Variants in NLRP9 observed in about 807,000 individuals in gnomAD.
The protein encoded by NLRP9 is NLR family pyrin domain containing 9, also known as NACHT, LRR and PYD domains-containing protein 9.
Under a neutral mutation model 83.1 loss-of-function variants are expected in NLRP9, and 88 were observed. That is an observed-to-expected ratio of 1.06 (90% CI 0.89 to 1.26). The LOEUF (loss-of-function observed/expected upper bound fraction) is 1.26. Ranked by LOEUF, NLRP9 falls within the 50% of genes most tolerant of loss-of-function variation. NLRP9 has a pLI of 0.00. For missense variants in NLRP9, 1,308 were observed against 1,179.3 expected (o/e 1.11, Z -1.60); for synonymous variants, 521 against 447.6 (o/e 1.16, Z -2.07).
At chr19:55,721,239 TG>T (rs1988215916) in intron 4 of NLRP9, among the ~76,000 whole-genome samples, 1 of 152,240 alleles carries the variant, frequency 6.6e-6, no homozygotes, top group Admixed American at 6.5e-5. Context: ...GATTGGTATA[TG>T]GGACTTCTCT....
intron 3 of NLRP9, among the ~76,000 whole-genome samples, chr19:55,724,818 G>C (rs903589197): frequency 1.4e-4 from 22 of 152,240 alleles, no homozygotes; most frequent in Admixed American, 2.0e-4. Context: ...TGTAATTTGG[G>C]AGGCCAAGGC....
At chr19:55,718,800 T>A (rs1159831719) in intron 4 of NLRP9, among the ~76,000 whole-genome samples, 4 of 152,178 alleles carry the variant, frequency 2.6e-5, no homozygotes, top group South Asian at 4.1e-4. Flanking sequence ...CTCTATACTT[T>A]GTCTCTGTGT....
At position 55,712,354 on chromosome 19, in the gene NLRP9, C is replaced by A. The variant is rs1987767504; in HGVS notation, c.2672+66G>T. 3.7e-6 allele frequency: 5 copies of A among 1,367,992 alleles called. No homozygotes were observed. In the Admixed American group the frequency reaches 8.9e-5, roughly 24 times the overall value. The allele number at this position is 1,367,992 out of a possible 1,614,324, so 84.7% of individuals were successfully genotyped here. ...ACCTGCCTCCCTTCCATTCTATTGA[C>A]CCTCCAGCAATTCCTATTCTTGAAA... On this transcript the variant is annotated intron_variant, in intron 7 of 8. Transcript: ENST00000332836.
chr19:55,716,972 C>A, intron 4 of NLRP9, 74 bp from the exon 5 acceptor site: 1 of 1,188,706 alleles, frequency 8.4e-7, no homozygotes, highest in Non-Finnish European at 1.2e-6. Context: ...ACAGACCAAA[C>A]GACACCTCTG....
At chr19:55,719,112 T>C (rs1394563510) in intron 4 of NLRP9, among the ~76,000 whole-genome samples, 1 of 152,226 alleles carries the variant, frequency 6.6e-6, no homozygotes, top group East Asian at 1.9e-4. Flanking sequence ...TCTGCCTGTG[T>C]TTGACCAACC....
Position 55,733,919 on chromosome 19 carries a change from A to ATTTTTTTTTTTTTTT in NLRP9, c.281-384_281-370dup, listed in dbSNP as rs765779528. Among the ~76,000 whole-genome samples, 18 of 117,864 alleles carry ATTTTTTTTTTTTTTT rather than the reference A, an allele frequency of 1.5e-4. 1 individual carries two copies. The highest frequency in any genetic ancestry group is 4.7e-4 in the African/African-American group (13 of 27,910). The allele number at this position is 117,864 out of a possible 152,430, so 77.3% of individuals were successfully genotyped here. On this transcript the variant is annotated intron_variant, in intron 1 of 8. Coordinates refer to ENST00000332836, the MANE Select transcript of NLRP9 (RefSeq NM_176820.4). ...ATAAACTCAACCAGTTGTCAACCAA[A>ATTTTTTTTTTTTTTT]TTTTTTTTTTTTTTTTTTTTTGAGA...
At chr19:55,722,392 A>T (rs1988256234) in intron 4 of NLRP9, among the ~76,000 whole-genome samples, 1 of 152,182 alleles carries the variant, frequency 6.6e-6, no homozygotes, top group African/African-American at 2.4e-5. Flanking sequence ...ATGATATGGA[A>T]ACAGCTTGAA....
Position 55,708,972 on chromosome 19 carries a change from C to T in NLRP9, c.2916G>A (p.Leu972=), listed in dbSNP as rs753313511. Residue 972 remains leucine, a synonymous_variant, in exon 9 of 9, where the codon CTG becomes CTA. Transcript: ENST00000332836. ...LMSVEEKIPH[L]TISHGPWIDE... ...CAATCCAAGGTCCATGTGAAATGGT[C>T]AGATGGGGAATTTTTTCTTCCACAG... The T allele has an allele frequency of 1.9e-6, 3 of 1,592,478 alleles. No homozygotes were observed.
chr19:55,722,552 G>A (rs112380256), intron 4 of NLRP9, among the ~76,000 whole-genome samples: 3,201 of 152,222 alleles, frequency 0.021, 45 homozygotes, highest in Non-Finnish European at 0.032. Context: ...GCAAAGACAA[G>A]ACAGTGAACT....
chr19:55,734,291 G>C (rs1988711539), intron 1 of NLRP9, among the ~76,000 whole-genome samples: 2 of 139,344 alleles, frequency 1.4e-5, no homozygotes, highest in South Asian at 4.5e-4. Context: ...TTGAACCTAG[G>C]AAGCGGAGAT....
chr19:55,713,215 A>G (rs1363798237), intron 6 of NLRP9, among the ~76,000 whole-genome samples: 1 of 150,408 alleles, frequency 6.6e-6, no homozygotes, highest in Non-Finnish European at 1.5e-5. Flanking sequence ...TCCCCTGACT[A>G]TTTTGTATAT....
intron 4 of NLRP9, among the ~76,000 whole-genome samples, chr19:55,720,518 G>A (rs1253103058): frequency 2.6e-5 from 4 of 151,908 alleles, no homozygotes; most frequent in East Asian, 1.9e-4. Flanking sequence ...TTTTAGAGAC[G>A]GGAGTCTCAC....
intron 1 of NLRP9, among the ~76,000 whole-genome samples, chr19:55,735,098 G>C (rs142848205): frequency 2.0e-5 from 3 of 152,140 alleles, no homozygotes; most frequent in African/African-American, 7.2e-5. Flanking sequence ...CCCTACAGTC[G>C]CTCACAGGAA....
At position 55,708,653 on chromosome 19, in the gene NLRP9, GT is replaced by G. The variant is rs1987547723; in HGVS notation, c.*258del. On this transcript the variant is annotated 3_prime_UTR_variant, in exon 9 of 9. Transcript: ENST00000332836. Reference sequence around the variant, plus strand: ...ATGCTTTCCAGAGCGTTTAGCACTTGTTTAACGTACTTGTGCTTCTAAATAT... The same window carrying G: ...ATGCTTTCCAGAGCGTTTAGCACTTGTTAACGTACTTGTGCTTCTAAATAT... 1 of 312,246 alleles carries G rather than the reference GT, an allele frequency of 3.2e-6. No homozygotes were observed. Among genetic ancestry groups the G allele is most frequent in the Admixed American group, 5.0e-5 (1 of 19,926 alleles). The allele number at this position is 312,246 out of a possible 1,614,324, so 19.3% of individuals were successfully genotyped here.
chr19:55,716,257 C>CTTTT (rs931275248), intron 5 of NLRP9, among the ~76,000 whole-genome samples: 7 of 117,816 alleles, frequency 5.9e-5, no homozygotes, highest in Non-Finnish European at 1.1e-4. Flanking sequence ...TAAAAATTTT[C>CTTTT]TTTTTTTTTT....
At chr19:55,725,700 C>A (rs57077719) in intron 3 of NLRP9, among the ~76,000 whole-genome samples, 1 of 152,030 alleles carries the variant, frequency 6.6e-6, no homozygotes, top group African/African-American at 2.4e-5. Flanking sequence ...CAGAGCCTGA[C>A]CCACTAACAG....
At position 55,729,947 on chromosome 19, in the gene NLRP9, G is replaced by T. The variant is rs766080282; in HGVS notation, c.1878C>A (p.Phe626Leu). 1.2e-6 allele frequency: 2 copies of T among 1,613,486 alleles called. No homozygotes were observed. Among genetic ancestry groups the T allele is most frequent in the East Asian group, 4.5e-5 (2 of 44,886 alleles). The change falls in exon 3 of 9, where the codon TTC (phenylalanine) becomes TTA (leucine). Residue 626 changes from phenylalanine to leucine, a missense_variant. Transcript: ENST00000332836. ...LVYWRELCSM[F>L]ITNKNFQILD... ...AAATCTGGAAGTTCTTGTTGGTAAT[G>T]AACATTGAGCAAAGCTCCCGCCAGT...
Position 55,712,448 on chromosome 19 carries a change from G to A in NLRP9, c.2644C>T (p.His882Tyr). Residue 882 changes from histidine (H) to tyrosine (Y), a missense_variant, in exon 7 of 9, where the codon CAT becomes TAT. His to Tyr is a moderately conservative substitution (Grantham distance 83). Transcript: ENST00000332836. ...AGACACTCTAATTTACAGTGAGGAT[G>A]CTGCAAAGCTGCACATAACTGTCTG... is the stretch of plus-strand genomic sequence containing the variant. ...GVRQLCAALQ[H>Y]PHCKLECLGL... 6.2e-7 allele frequency: 1 copy of A among 1,612,710 alleles called. No individual in the cohort carries two copies. Among genetic ancestry groups the A allele is most frequent in the Non-Finnish European group, 8.5e-7 (1 of 1,179,780 alleles).
intron 1 of NLRP9, among the ~76,000 whole-genome samples, chr19:55,735,401 A>G (rs1002358859): frequency 2.6e-5 from 4 of 152,208 alleles, no homozygotes; most frequent in African/African-American, 9.6e-5. Context: ...GAGCTTGGCC[A>G]ACATAGTGAG....
Sources: gnomAD v4.1 joint callset for allele counts (sites outside exome capture counted in the v4.1 genomes callset) on GRCh38, gnomAD v4.1.1 for gene constraint, MANE v1.5 for transcripts, NCBI Gene and HGNC (gene_info 2026-07-23, HGNC 2026-07-21) for gene names.